The following NPC1 variants were observed in gnomAD, a reference collection of about 807,000 sequenced individuals.
NPC1 encodes the protein NPC intracellular cholesterol transporter 1, also known as Niemann-Pick C1 protein.
In NPC1, 85 loss-of-function variants were observed where a neutral mutation model predicts 140.4. That is an observed-to-expected ratio of 0.61 (90% CI 0.51 to 0.72). The LOEUF is 0.72. Among genes scored for constraint, NPC1 ranks in the 30% least tolerant of loss-of-function variants. The pLI, the probability that NPC1 is intolerant of heterozygous loss-of-function variation, is 0.00. For missense variants in NPC1, 1,504 were observed against 1,623.8 expected (o/e 0.93, Z 1.27); for synonymous variants, 656 against 624.8 (o/e 1.05, Z -0.74).
In NPC1 at chr18:23,544,961, A is replaced by G; in HGVS notation, c.1946T>C (p.Leu649Pro). The stretch of plus-strand genomic sequence containing the variant: ...ATACACCACCCCCCCCCGGCTTACC[A>G]GAAGCCTGCGACAGCTTTTCATGTG... ...LGHMKSCRRL[L>P]VDSKVSLGIA... The change falls in exon 12 of 25, where the codon CTG becomes CCG. Residue 649 changes from leucine to proline, a missense_variant and splice_region_variant. Leu to Pro is a moderately conservative substitution (Grantham distance 98). Transcript: ENST00000269228. 7.2e-7 allele frequency: 1 copy of G among 1,390,914 alleles called. No individual in the cohort carries two copies. The highest frequency in any genetic ancestry group is 1.0e-6 in the Non-Finnish European group (1 of 1,004,368). The allele number at this position is 1,390,914 out of a possible 1,614,324, so 86.2% of individuals were successfully genotyped here.
chr18:23,568,632 G>A (rs1208080379), intron 4 of NPC1, among the ~76,000 whole-genome samples, 191 bp downstream of exon 4: 1 of 152,166 alleles, frequency 6.6e-6, no homozygotes, highest in Non-Finnish European at 1.5e-5. Context: ...GTTAAAGCAA[G>A]CGCTTTAAGG....
rs554387118 is a variant in NPC1, at chr18:23,535,376, C to G, written c.3477+93G>C. On this transcript the variant is annotated intron_variant, in intron 22 of 24. Transcript: ENST00000269228. ...AGCAAGCGCCAGACTTGGTATCTTA[C>G]TCCATCTTTAGGGTTTACATGGAAT... The G allele has an allele frequency of 9.7e-6, 9 of 923,122 alleles. No homozygotes were observed. The Admixed American group carries it at 1.6e-4, about 16-fold the overall frequency. 57.2% of individuals were successfully genotyped at this position (923,122 alleles called of 1,614,324 possible). A position where few individuals can be genotyped will look rare whatever the true frequency, so the allele number is the denominator to read the frequency against.
intron 17 of NPC1, 77 bp downstream of exon 17, chr18:23,540,371 C>CT (rs2058696122): frequency 1.0e-6 from 1 of 963,186 alleles, no homozygotes. Context: ...CTTGAAACAC[C>CT]TACGTGCATG....
downstream of NPC1, chr18:23,528,902 G>T: frequency 3.5e-6 from 1 of 282,548 alleles, no homozygotes; most frequent in Non-Finnish European, 6.7e-6. Flanking sequence ...TTTTTGAGAC[G>T]GAGTTTTGTT....
downstream of NPC1, chr18:23,520,099 C>T (rs1191951092): frequency 3.6e-5 from 30 of 842,752 alleles, no homozygotes; most frequent in Admixed American, 2.0e-4. Flanking sequence ...GAAATGCAAA[C>T]ACAGGCTTTT....
At position 23,516,072 on chromosome 18, in the gene NPC1, G is replaced by A. The variant is rs1005179680; in HGVS notation, c.432-9430C>T. 2.1e-5 allele frequency: 34 copies of A among 1,592,682 alleles called. 1 individual carries two copies. The Middle Eastern group carries it at 5.7e-4, about 27-fold the overall frequency. ...TTCCTGTAGCATCCTAATGTGTCAG[G>A]CACGTTAGGGACAGGTTCCTCTAGC... On this transcript the variant is annotated intron_variant, in intron 3 of 3. Coordinates refer to the NPC1 transcript ENST00000591107.
chr18:23,568,896 A>C lies in NPC1; in HGVS notation c.390T>G (p.Val130=). The C allele has an allele frequency of 6.2e-7, 1 of 1,613,968 alleles. No homozygotes were observed. The highest frequency in any genetic ancestry group is 8.5e-7 in the Non-Finnish European group (1 of 1,179,822). ...TTTTCGTCTGGTTTGTAACAGGATCAACATAATCTTCAGTAGCTGTAACAT... is the reference window on the plus strand; with the variant it reads ...TTTTCGTCTGGTTTGTAACAGGATCCACATAATCTTCAGTAGCTGTAACAT... ...FLNVTATEDY[V]DPVTNQTKTN... The change falls in exon 4 of 25, where the codon GTT becomes GTG. Residue 130 remains valine (V), a synonymous_variant. Transcript: ENST00000269228.
chr18:23,536,263 A>C (rs756886516), intron 21 of NPC1, among the ~76,000 whole-genome samples: 4 of 152,208 alleles, frequency 2.6e-5, no homozygotes, highest in Non-Finnish European at 5.9e-5. Flanking sequence ...CCTGGGAAAA[A>C]AAACCCCTAA....
intron 4 of NPC1, among the ~76,000 whole-genome samples, chr18:23,565,500 C>T (rs1055481585): frequency 3.3e-5 from 5 of 152,086 alleles, no homozygotes; most frequent in East Asian, 1.9e-4. Context: ...GCATTACAAG[C>T]GAGCGCCACC....
intron 1 of NPC1, among the ~76,000 whole-genome samples, chr18:23,585,580 G>C (rs2059408172): frequency 6.6e-6 from 1 of 152,156 alleles, no homozygotes; most frequent in East Asian, 1.9e-4. Context: ...AGTTTTAAAA[G>C]AGGAAACTAC....
chr18:23,519,127 C>T (rs754656257), downstream of NPC1: 8 of 1,614,020 alleles, frequency 5.0e-6, no homozygotes, highest in Non-Finnish European at 6.8e-6. Context: ...AAAGTTTGCC[C>T]TGAACGTGGT....
chr18:23,555,728 C>G (rs1294489412), intron 8 of NPC1, among the ~76,000 whole-genome samples: 1 of 152,180 alleles, frequency 6.6e-6, no homozygotes, highest in Non-Finnish European at 1.5e-5. Flanking sequence ...CCAAATGCGC[C>G]TCTCACCAAA....
intron 1 of NPC1, among the ~76,000 whole-genome samples, chr18:23,577,238 G>A (rs1358899655): frequency 6.6e-6 from 1 of 150,944 alleles, no homozygotes; most frequent in Non-Finnish European, 1.5e-5. Flanking sequence ...CAAACCTTGA[G>A]CTAGATACAG....
At chr18:23,558,002 C>T (rs2058979902) in intron 6 of NPC1, among the ~76,000 whole-genome samples, 1 of 151,904 alleles carries the variant, frequency 6.6e-6, no homozygotes, top group Non-Finnish European at 1.5e-5. Context: ...GGATACAACC[C>T]ACAGAATTAA....
At chr18:23,551,418 G>C in intron 10 of NPC1, 1 of 595,996 alleles carries the variant, frequency 1.7e-6, no homozygotes, top group South Asian at 1.9e-5. Context: ...AGGCATGTGT[G>C]ACCTAAAAAT....
chr18:23,518,413 A>C (rs2058064802), downstream of NPC1, among the ~76,000 whole-genome samples: 1 of 152,136 alleles, frequency 6.6e-6, no homozygotes, highest in Non-Finnish European at 1.5e-5. Context: ...AAGATCGCCA[A>C]AGCCTAGGAG....
rs529968792 is a variant in NPC1 at position 23,578,638 on chromosome 18, G to C, written c.58-5064C>G. On this transcript the variant is annotated intron_variant, in intron 1 of 24. Transcript: ENST00000269228. ...CATCTCTCTCTCAGTCCCTTCACCT[G>C]CACCTCCCTAGAAACACTGCTCTAA... is the stretch of plus-strand genomic sequence containing the variant. Among the ~76,000 whole-genome samples the C allele has an allele frequency of 2.0e-5, 3 of 152,266 alleles. No homozygotes were observed. In the South Asian group the frequency reaches 6.2e-4, roughly 32 times the overall value.
intron 24 of NPC1, 31 bp downstream of exon 24, chr18:23,533,324 T>G: frequency 6.2e-7 from 1 of 1,603,452 alleles, no homozygotes. Flanking sequence ...GTCCTTCTAT[T>G]GTGCCACCCT....
chr18:23,568,208 C>A (rs2059153649), intron 4 of NPC1, among the ~76,000 whole-genome samples: 1 of 152,170 alleles, frequency 6.6e-6, no homozygotes, highest in Admixed American at 6.5e-5. Context: ...GCTTCTGTTT[C>A]TGGACAAAAT....
Sources: gnomAD v4.1 joint callset for allele counts (sites outside exome capture counted in the v4.1 genomes callset) on GRCh38, gnomAD v4.1.1 for gene constraint, MANE v1.5 for transcripts, NCBI Gene and HGNC (gene_info 2026-07-23, HGNC 2026-07-21) for gene names.